Variants in ETV5 observed in about 807,000 individuals in gnomAD.
ETV5 encodes ETS translocation variant 5.
ETV5 carries 10 observed loss-of-function variants against 70.0 expected under a neutral mutation model. The observed-to-expected ratio is 0.14, with a 90% CI of 0.09 to 0.24. The LOEUF (loss-of-function observed/expected upper bound fraction) is 0.24, where lower values mean the gene tolerates loss of function less well. Among genes scored for constraint, ETV5 ranks in the 10% least tolerant of loss-of-function variants. ETV5 has a pLI of 1.00. For synonymous variants in ETV5, 216 were observed against 242.2 expected, an observed-to-expected ratio of 0.89 and a Z score of 1.01; for missense variants, 453 against 651.2, an observed-to-expected ratio of 0.70 and a Z score of 3.31.
chr3:186,055,881 G>A (rs1713150658), intron 11 of ETV5, among the ~76,000 whole-genome samples: 1 of 152,130 alleles, frequency 6.6e-6, no homozygotes, highest in Non-Finnish European at 1.5e-5. Context: ...TAAGAGTGTT[G>A]TTCCCAATTT....
intron 7 of ETV5, among the ~76,000 whole-genome samples, chr3:186,067,578 C>T (rs1713482197): frequency 6.6e-6 from 1 of 151,662 alleles, no homozygotes; most frequent in South Asian, 2.1e-4. Context: ...CGCCACTGTA[C>T]TCTAGCCTGG....
Position 186,048,279 on chromosome 3 carries a change from T to C in ETV5, c.*360A>G, listed in dbSNP as rs1213574562. 17 of 332,796 alleles carry C rather than the reference T, an allele frequency of 5.1e-5. No homozygotes were observed. In the East Asian group the frequency reaches 7.7e-4, roughly 15 times the overall value. 20.6% of individuals were successfully genotyped at this position (332,796 alleles called of 1,614,324 possible). A position where few individuals can be genotyped will look rare whatever the true frequency, so the allele number is the denominator to read the frequency against. ...CTATGTAAAGGCATTTAGTAGTCCA[T>C]GATCGATGCAGATTGTCACATACTA... On this transcript the variant is annotated 3_prime_UTR_variant, in exon 13 of 13. Transcript: ENST00000306376.
chr3:186,100,430 C>A (rs1714425630), intron 5 of ETV5, among the ~76,000 whole-genome samples: 1 of 152,136 alleles, frequency 6.6e-6, no homozygotes, highest in Non-Finnish European at 1.5e-5. Flanking sequence ...GACCAAAGAC[C>A]AAAATGATGT....
chr3:186,070,530 C>T (rs555749526), intron 7 of ETV5, among the ~76,000 whole-genome samples: 35 of 152,338 alleles, frequency 2.3e-4, no homozygotes, highest in African/African-American at 7.9e-4. Flanking sequence ...TGGGATTGTT[C>T]CGTACTGGTT....
chr3:186,093,618 G>T (rs1223277567), intron 5 of ETV5, among the ~76,000 whole-genome samples: 2 of 152,184 alleles, frequency 1.3e-5, no homozygotes, highest in Admixed American at 1.3e-4. Context: ...GGCTTGGGAG[G>T]TTACTGTCTA....
At position 186,057,222 on chromosome 3, in the gene ETV5, G is replaced by A; in HGVS notation, c.1062C>T (p.Thr354=). 6.2e-7 allele frequency: 1 copy of A among 1,614,148 alleles called. No individual in the cohort carries two copies. Among genetic ancestry groups the A allele is most frequent in the South Asian group, 1.1e-5 (1 of 91,082 alleles). ...RLEGKVKQEP[T]MYREGPPYQR... ...GGTAAGGGGGCCCCTCTCGATACAT[G>A]GTAGGCTCCTGTTTGACTTTGCCTG... Residue 354 remains threonine, a synonymous_variant, in exon 11 of 13, where the codon ACC becomes ACT. Transcript: ENST00000306376. The surrounding 1 kb of genome is among the most constrained non-coding windows in gnomAD (Gnocchi z 4.9).
At chr3:186,067,909 G>A (rs1302012520) in intron 7 of ETV5, among the ~76,000 whole-genome samples, 1 of 152,118 alleles carries the variant, frequency 6.6e-6, no homozygotes, top group African/African-American at 2.4e-5. Context: ...GGCAAAAAGA[G>A]CTTTTAGAAA....
chr3:186,068,037 G>A (rs1042570450), intron 7 of ETV5, among the ~76,000 whole-genome samples: 2 of 152,172 alleles, frequency 1.3e-5, no homozygotes, highest in African/African-American at 4.8e-5. Context: ...AATTAAAAAA[G>A]TAACAAAGTC....
intron 5 of ETV5, among the ~76,000 whole-genome samples, chr3:186,104,278 C>T (rs958901198): frequency 6.6e-6 from 1 of 152,174 alleles, no homozygotes; most frequent in African/African-American, 2.4e-5. Context: ...AGCTCCCAAA[C>T]CTGTTGAGGA....
chr3:186,087,129 G>C (rs554352777), intron 5 of ETV5, among the ~76,000 whole-genome samples: 1 of 152,188 alleles, frequency 6.6e-6, no homozygotes, highest in Non-Finnish European at 1.5e-5. Flanking sequence ...TATAGGTTCA[G>C]TGTAACCCCC....
intron 5 of ETV5, among the ~76,000 whole-genome samples, chr3:186,098,281 T>A (rs1032262300): frequency 1.8e-4 from 27 of 152,308 alleles, no homozygotes; most frequent in African/African-American, 6.0e-4. Context: ...AGAAACAGAC[T>A]TCAGTGGTAT....
At chr3:186,100,030 G>A (rs1242212013) in intron 5 of ETV5, among the ~76,000 whole-genome samples, 2 of 152,172 alleles carry the variant, frequency 1.3e-5, no homozygotes, top group African/African-American at 2.4e-5. Context: ...AAGTAAATGC[G>A]TACTGTAGGT....
intron 11 of ETV5, among the ~76,000 whole-genome samples, chr3:186,056,653 G>A (rs755435876): frequency 1.3e-5 from 2 of 152,176 alleles, no homozygotes; most frequent in Non-Finnish European, 2.9e-5. Context: ...GTGGGTAGTT[G>A]TATCCTGTAA....
chr3:186,052,172 C>T lies in ETV5; in HGVS notation c.1210-41G>A, dbSNP rs749045369. ...AGTGAAGAGCAATGGAAACGCATTC[C>T]CTGGGCCCCATGTTCTCTCCCAATC... On this transcript the variant is annotated intron_variant, in intron 11 of 12. Transcript: ENST00000306376. This position sits in a 1 kb window ranked among gnomAD's most constrained non-coding sequence, Gnocchi z 4.5. 1.0e-5 allele frequency: 16 copies of T among 1,589,348 alleles called. No homozygotes were observed. The highest frequency in any genetic ancestry group is 1.3e-5 in the African/African-American group (1 of 74,362).
intron 7 of ETV5, among the ~76,000 whole-genome samples, chr3:186,075,592 A>G (rs1449384327): frequency 6.6e-6 from 1 of 152,172 alleles, no homozygotes; most frequent in Non-Finnish European, 1.5e-5. Context: ...CCTCAATAAT[A>G]ACCACCGAAG....
chr3:186,082,324 T>TA (rs1713951497), intron 5 of ETV5, among the ~76,000 whole-genome samples: 1 of 152,210 alleles, frequency 6.6e-6, no homozygotes, highest in Non-Finnish European at 1.5e-5. Context: ...GGTGACCCAG[T>TA]AACATTTTCA....
rs1483452832 is a variant in ETV5 at position 186,056,944 on chromosome 3, C to A, written c.1209+131G>T. On this transcript the variant is annotated intron_variant, in intron 11 of 12. Transcript: ENST00000306376. Reference sequence around the variant, plus strand: ...AATAGGAGGGATACAGCCAAGCCCACTGGCCAGGCCAGAATATGAATGAGA... The same window carrying A: ...AATAGGAGGGATACAGCCAAGCCCAATGGCCAGGCCAGAATATGAATGAGA... 14 of 1,037,624 alleles carry A rather than the reference C, an allele frequency of 1.3e-5. No homozygotes were observed. In the South Asian group the frequency reaches 1.9e-4, roughly 14 times the overall value. The allele number at this position is 1,037,624 out of a possible 1,614,324, so 64.3% of individuals were successfully genotyped here. A position where few individuals can be genotyped will look rare whatever the true frequency, so the allele number is the denominator to read the frequency against.
Position 186,048,323 on chromosome 3 carries a change from C to A in ETV5, c.*316G>T. 2.4e-6 allele frequency: 1 copy of A among 412,286 alleles called. No individual in the cohort carries two copies. The highest frequency in any genetic ancestry group is 4.5e-6 in the Non-Finnish European group (1 of 224,238). The allele number at this position is 412,286 out of a possible 1,614,324, so 25.5% of individuals were successfully genotyped here. ...CATACTATGTCCCGTTTTGCGGGTA[C>A]TAACCTGAACAAGATATTGCTTTGC... On this transcript the variant is annotated 3_prime_UTR_variant, in exon 13 of 13. Transcript: ENST00000306376.
intron 7 of ETV5, 29 bp from the exon 8 acceptor site, chr3:186,066,101 A>C: frequency 6.5e-7 from 1 of 1,531,624 alleles, no homozygotes; most frequent in Non-Finnish European, 8.8e-7. Flanking sequence ...TTTCATGTTG[A>C]ACAAAGACTT....
Sources: gnomAD v4.1 joint callset for allele counts (sites outside exome capture counted in the v4.1 genomes callset) on GRCh38, gnomAD v4.1.1 for gene constraint, Gnocchi (gnomAD v3.1) non-coding constraint, MANE v1.5 for transcripts, NCBI Gene and HGNC (gene_info 2026-07-23, HGNC 2026-07-21) for gene names.